The following GPC5 variants were observed in gnomAD, a reference collection of about 807,000 sequenced individuals.
GPC5 encodes the protein glypican 5.
Under a neutral mutation model 53.9 loss-of-function variants are expected in GPC5, and 47 were observed. That is an observed-to-expected ratio of 0.87 (90% CI 0.69 to 1.11). The LOEUF (loss-of-function observed/expected upper bound fraction) is 1.11. Ranked by LOEUF, GPC5 falls within the 50% of genes most tolerant of loss-of-function variation. GPC5 has a pLI of 0.00. For synonymous variants in GPC5, 286 were observed against 263.3 expected, an observed-to-expected ratio of 1.09 and a Z score of -0.84; for missense variants, 748 against 713.1, an observed-to-expected ratio of 1.05 and a Z score of -0.56.
chr13:92,348,170 A>T (rs1374939936), intron 7 of GPC5, among the ~76,000 whole-genome samples: 1 of 150,838 alleles, frequency 6.6e-6, no homozygotes, highest in Non-Finnish European at 1.5e-5. Flanking sequence ...TTCTCCAAAA[A>T]AGAAAGTAAC....
intron 7 of GPC5, among the ~76,000 whole-genome samples, chr13:92,480,008 C>T (rs1249209424): frequency 6.6e-6 from 1 of 152,058 alleles, no homozygotes; most frequent in Non-Finnish European, 1.5e-5. Flanking sequence ...CAAAGTGGGC[C>T]AGGCATGCTG....
At chr13:92,199,360 C>T (rs4346082) in intron 7 of GPC5, among the ~76,000 whole-genome samples, 3 of 152,246 alleles carry the variant, frequency 2.0e-5, no homozygotes, top group Admixed American at 1.3e-4. Context: ...AAAATCACCC[C>T]TTATTTAAGT....
intron 7 of GPC5, among the ~76,000 whole-genome samples, chr13:92,178,343 T>C (rs1162974906): frequency 6.6e-6 from 1 of 152,014 alleles, no homozygotes; most frequent in Non-Finnish European, 1.5e-5. Flanking sequence ...TGAAAATGCA[T>C]ATAAAACTGG....
intron 7 of GPC5, among the ~76,000 whole-genome samples, chr13:92,683,725 A>G (rs1470547856): frequency 6.6e-6 from 1 of 152,228 alleles, no homozygotes; most frequent in Non-Finnish European, 1.5e-5. Context: ...AAGACATTGT[A>G]GTAACCACAT....
At chr13:91,672,115 T>C (rs1462620315) in intron 2 of GPC5, among the ~76,000 whole-genome samples, 1 of 152,100 alleles carries the variant, frequency 6.6e-6, no homozygotes, top group African/African-American at 2.4e-5. Flanking sequence ...CAGACTTAAA[T>C]GTAAAGCCCA....
At chr13:92,596,174 C>T (rs1883874449) in intron 7 of GPC5, among the ~76,000 whole-genome samples, 1 of 146,802 alleles carries the variant, frequency 6.8e-6, no homozygotes, top group Non-Finnish European at 1.5e-5. Flanking sequence ...GCACATTTAA[C>T]TAGTGGCAGT....
intron 6 of GPC5, among the ~76,000 whole-genome samples, chr13:91,931,883 T>C (rs942769517): frequency 6.6e-6 from 1 of 152,032 alleles, no homozygotes; most frequent in African/African-American, 2.4e-5. Flanking sequence ...GAATACTTGC[T>C]TAGCATTCAT....
chr13:92,170,265 T>C (rs2042060106), intron 7 of GPC5, among the ~76,000 whole-genome samples: 1 of 151,886 alleles, frequency 6.6e-6, no homozygotes, highest in Non-Finnish European at 1.5e-5. Flanking sequence ...TCTGATGTCC[T>C]ACACAATCCA....
intron 7 of GPC5, among the ~76,000 whole-genome samples, chr13:92,340,898 G>A (rs886818391): frequency 1.8e-4 from 28 of 152,100 alleles, no homozygotes; most frequent in African/African-American, 6.5e-4. Context: ...TAGGCCAATT[G>A]GTTGTAAAAT....
intron 7 of GPC5, among the ~76,000 whole-genome samples, chr13:92,457,539 G>A (rs572915797): frequency 1.3e-5 from 2 of 152,110 alleles, no homozygotes; most frequent in South Asian, 2.1e-4. Flanking sequence ...ACAAAACATC[G>A]AGATGGTCAT....
intron 5 of GPC5, among the ~76,000 whole-genome samples, chr13:91,855,268 GCTTCAAA>G (rs955359699): frequency 1.8e-4 from 28 of 151,788 alleles, no homozygotes; most frequent in African/African-American, 6.7e-4. Context: ...AACAGGCACA[GCTTCAAA>G]CTTCATTGGC....
intron 2 of GPC5, among the ~76,000 whole-genome samples, chr13:91,492,881 C>A (rs1028518459): frequency 4.6e-5 from 7 of 152,196 alleles, no homozygotes; most frequent in African/African-American, 1.7e-4. Context: ...TTAGAAATAA[C>A]CAAAACAACT....
intron 2 of GPC5, among the ~76,000 whole-genome samples, chr13:91,532,774 G>T (rs1224964360): frequency 2.0e-5 from 3 of 152,236 alleles, no homozygotes; most frequent in African/African-American, 7.2e-5. Context: ...GCTGACGTGG[G>T]AGGATCACTT....
At chr13:92,429,816 T>C (rs1877005954) in intron 7 of GPC5, among the ~76,000 whole-genome samples, 1 of 152,152 alleles carries the variant, frequency 6.6e-6, no homozygotes, top group Non-Finnish European at 1.5e-5. Flanking sequence ...TAAGAATTAC[T>C]GGGAGCGTAA....
chr13:92,560,173 A>G (rs1453558089), intron 7 of GPC5, among the ~76,000 whole-genome samples: 3 of 152,002 alleles, frequency 2.0e-5, no homozygotes, highest in South Asian at 2.1e-4. Flanking sequence ...TTATTTTTTC[A>G]ACATATGAAA....
chr13:91,588,759 CT>C (rs1463702314), intron 2 of GPC5, among the ~76,000 whole-genome samples: 2 of 151,962 alleles, frequency 1.3e-5, no homozygotes, highest in African/African-American at 4.8e-5. Flanking sequence ...TTGTTTATCC[CT>C]TGTGTCATTG....
At chr13:92,699,019 C>T (rs1887645506) in intron 7 of GPC5, among the ~76,000 whole-genome samples, 1 of 151,996 alleles carries the variant, frequency 6.6e-6, no homozygotes, top group Non-Finnish European at 1.5e-5. Flanking sequence ...CGTTTTTGTA[C>T]CTCTGGTAGC....
In GPC5 at chr13:92,025,632, C is replaced by T. The variant is rs189942479; in HGVS notation, c.1401+117575C>T. ...ATTGGCCCAACTGTGTCAGCACTTG[C>T]CAGTGCGTGTACAGAAAGAGGGATT... On this transcript the variant is annotated intron_variant, in intron 6 of 7. Coordinates refer to ENST00000377067, the MANE Select transcript of GPC5 (RefSeq NM_004466.6). Among the ~76,000 whole-genome samples the T allele has an allele frequency of 2.9e-4, 44 of 152,270 alleles. 1 individual carries two copies. Among genetic ancestry groups the T allele is most frequent in the African/African-American group, 9.6e-4 (40 of 41,572 alleles).
intron 7 of GPC5, among the ~76,000 whole-genome samples, chr13:92,157,252 A>G (rs926898267): frequency 7.2e-5 from 11 of 152,188 alleles, no homozygotes; most frequent in Non-Finnish European, 1.2e-4. Context: ...GGCAAGGAAG[A>G]TGTTCATTAT....
Sources: allele counts gnomAD v4.1 joint callset (sites outside exome capture counted in the v4.1 genomes callset), GRCh38; gene constraint gnomAD v4.1.1; transcripts MANE v1.5; gene names NCBI Gene and HGNC (gene_info 2026-07-23, HGNC 2026-07-21).